The following FAM117A variants were observed in gnomAD, a reference collection of about 807,000 sequenced individuals.
FAM117A encodes the protein protein FAM117A.
A neutral mutation model predicts 44.1 loss-of-function variants in FAM117A; 21 were observed. The ratio of observed to expected loss-of-function variants is 0.48; its 90% confidence interval spans 0.34 to 0.69. The LOEUF (loss-of-function observed/expected upper bound fraction) is 0.69, where lower values mean the gene tolerates loss of function less well. Among genes scored for constraint, FAM117A ranks in the 30% least tolerant of loss-of-function variants. FAM117A has a pLI of 0.01. For missense variants in FAM117A, 498 were observed against 589.9 expected (o/e 0.84, Z 1.61); for synonymous variants, 220 against 238.3 (o/e 0.92, Z 0.71).
chr17:49,776,373 A>G lies in FAM117A; in HGVS notation c.-621+12124T>C, dbSNP rs185367841. ...CCACTACTGAGGGGCTCAGTGGACT[A>G]GGTCAGAGAGACCCAGACCTAGACA... On this transcript the variant is annotated intron_variant, in intron 1 of 7. Coordinates refer to the FAM117A transcript ENST00000513602. Among the ~76,000 whole-genome samples, 27 of 152,296 alleles carry G rather than the reference A, an allele frequency of 1.8e-4. No individual in the cohort carries two copies. The East Asian group carries it at 5.2e-3, about 29-fold the overall frequency.
At chr17:49,770,379 TA>T (rs2073757509) in intron 1 of FAM117A, among the ~76,000 whole-genome samples, 1 of 151,156 alleles carries the variant, frequency 6.6e-6, no homozygotes, top group African/African-American at 2.4e-5. Context: ...AAAATTATGC[TA>T]AATGAAAGAA....
At chr17:49,765,587 T>G (rs1406466775), upstream of FAM117A, 3 of 152,084 alleles carry the variant, frequency 2.0e-5, no homozygotes, top group Non-Finnish European at 4.4e-5. Context: ...CGAAGAAAGG[T>G]TTTCTTTGCA....
At chr17:49,787,211 T>C (rs2143814411) in intron 1 of FAM117A, among the ~76,000 whole-genome samples, 1 of 152,308 alleles carries the variant, frequency 6.6e-6, no homozygotes, top group South Asian at 2.1e-4. Flanking sequence ...CTCAGGAACA[T>C]ATCCGTGAGT....
chr17:49,784,893 G>A (rs2073801107), intron 1 of FAM117A, among the ~76,000 whole-genome samples: 1 of 152,168 alleles, frequency 6.6e-6, no homozygotes, highest in Non-Finnish European at 1.5e-5. Flanking sequence ...CCTGGTACCT[G>A]GGTGATTAAT....
At chr17:49,763,809 TTCTCCCCGTCCCCCTCCCGCGG>T in intron 1 of FAM117A, 61 bp downstream of exon 1, 1 of 271,632 alleles carries the variant, frequency 3.7e-6, no homozygotes, top group Non-Finnish European at 4.8e-6. Flanking sequence ...CCCCTCACAC[TTCTCCCCGTCCCCCTCCCGCGG>T]TCACGCGCCC....
At chr17:49,748,565 G>A (rs1405084046) in intron 1 of FAM117A, among the ~76,000 whole-genome samples, 1 of 152,106 alleles carries the variant, frequency 6.6e-6, no homozygotes, top group Non-Finnish European at 1.5e-5. Context: ...ATAAGCTGGG[G>A]TAACAATATA....
At chr17:49,749,300 A>C (rs554179768) in intron 1 of FAM117A, among the ~76,000 whole-genome samples, 15 of 152,222 alleles carry the variant, frequency 9.9e-5, no homozygotes, top group East Asian at 5.8e-4. Context: ...AATGAAGGCC[A>C]GGCGCAGTGG....
chr17:49,769,688 G>C (rs940196852), intron 1 of FAM117A, among the ~76,000 whole-genome samples: 12 of 152,012 alleles, frequency 7.9e-5, no homozygotes, highest in African/African-American at 2.9e-4. Context: ...CTGGGCGACA[G>C]AGCGAAACTC....
Position 49,711,407 on chromosome 17 carries a change from T to G in FAM117A, c.1210A>C (p.Asn404His), listed in dbSNP as rs1446411926. 1 of 1,613,266 alleles carries G rather than the reference T, an allele frequency of 6.2e-7. No homozygotes were observed. The highest frequency in any genetic ancestry group is 1.1e-5 in the South Asian group (1 of 91,020). The change falls in exon 8 of 8, where the codon AAC (asparagine) becomes CAC (histidine). Residue 404 changes from asparagine (N) to histidine (H), a missense_variant. Around this residue, in one of 3 missense-constraint regions of FAM117A, gnomAD observed 224 missense variants for 296.5 expected, o/e 0.76. Transcript: ENST00000240364. ...MGFIFRNCPS[N>H]PGSPLPPASP... ...GCCGGGGGAAGGGGAGATCCCGGGT[T>G]TGAGGGGCAGTTACGGAAGATGAAG...
chr17:49,788,929 A>C (rs1287837360), upstream of FAM117A: 1 of 1,330,432 alleles, frequency 7.5e-7, no homozygotes, highest in African/African-American at 1.5e-5. Flanking sequence ...CACGCCTCAC[A>C]GTGCTTGGGT....
At chr17:49,733,665 T>G (rs928980855) in intron 1 of FAM117A, among the ~76,000 whole-genome samples, 4 of 152,062 alleles carry the variant, frequency 2.6e-5, no homozygotes, top group Non-Finnish European at 1.5e-5. Flanking sequence ...AGAGGAAGAC[T>G]CTGTCTCAAA....
rs188708236 is a variant in FAM117A, at chr17:49,735,247, G to A, written c.197-2527C>T. 2.2e-4 allele frequency among the ~76,000 whole-genome samples: 34 copies of A among 152,180 alleles called. 1 individual carries two copies. The East Asian group carries it at 4.4e-3, about 20-fold the overall frequency. On this transcript the variant is annotated intron_variant, in intron 1 of 7. Transcript: ENST00000240364. ...TCTACTAAAAATGCAAAAATTAGCC[G>A]GGCGTGGTGGTGCACACCTGTAATC...
rs758646392 is a variant in FAM117A, at chr17:49,716,311, G to A, written c.915C>T (p.Ser305=). Residue 305 remains serine (S), a synonymous_variant, in exon 7 of 8, where the codon TCC becomes TCT. Coordinates refer to ENST00000240364, the MANE Select transcript of FAM117A (RefSeq NM_030802.4). ...CAAGAAAGGCTGGGTGTCCTGGAGAGGAGGCTGTGAACAGAGCAAGGCTAA... is the reference window on the plus strand; with the variant it reads ...CAAGAAAGGCTGGGTGTCCTGGAGAAGAGGCTGTGAACAGAGCAAGGCTAA... ...ELASTPNDKA[S]SPGHPAFLED... 2.5e-6 allele frequency: 4 copies of A among 1,588,086 alleles called. No homozygotes were observed. The highest frequency in any genetic ancestry group is 2.6e-6 in the Non-Finnish European group (3 of 1,167,104).
At chr17:49,713,181 C>A (rs2073486493) in intron 7 of FAM117A, among the ~76,000 whole-genome samples, 1 of 152,136 alleles carries the variant, frequency 6.6e-6, no homozygotes, top group Non-Finnish European at 1.5e-5. Context: ...AGCCACCGCA[C>A]CCAGCCTGTC....
chr17:49,745,928 T>C (rs965272980), intron 1 of FAM117A, among the ~76,000 whole-genome samples: 2 of 152,240 alleles, frequency 1.3e-5, no homozygotes, highest in South Asian at 4.1e-4. Context: ...ACATCTCTAG[T>C]CCATTTTTGC....
chr17:49,772,696 G>A (rs2073764691), intron 1 of FAM117A, among the ~76,000 whole-genome samples: 1 of 151,716 alleles, frequency 6.6e-6, no homozygotes, highest in Admixed American at 6.6e-5. Context: ...AGGCTGCAGT[G>A]AGCCGAGATC....
intron 1 of FAM117A, among the ~76,000 whole-genome samples, chr17:49,749,059 G>C (rs1016053487): frequency 6.6e-6 from 1 of 152,144 alleles, no homozygotes; most frequent in African/African-American, 2.4e-5. Flanking sequence ...TGACCTACTT[G>C]ATACAATGTG....
At chr17:49,717,096 G>A (rs2073508072) in intron 6 of FAM117A, among the ~76,000 whole-genome samples, 1 of 152,096 alleles carries the variant, frequency 6.6e-6, no homozygotes, top group Non-Finnish European at 1.5e-5. Flanking sequence ...TTTTGGTCTG[G>A]GTCAAACTAT....
At chr17:49,788,527 C>A in exon 1 of FAM117A, 2 of 368,502 alleles carry the variant, frequency 5.4e-6, no homozygotes, top group Non-Finnish European at 9.8e-6. Flanking sequence ...CCGGGTTCCA[C>A]CACTGGAGTC....
Sources: gnomAD v4.1 joint callset for allele counts (sites outside exome capture counted in the v4.1 genomes callset) on GRCh38, gnomAD v4.1.1 for gene constraint, gnomAD v4.1.1 regional missense constraint, MANE v1.5 for transcripts, NCBI Gene and HGNC (gene_info 2026-07-23, HGNC 2026-07-21) for gene names.